SEMA3A: variants seen among roughly 807,000 people sequenced by gnomAD.
SEMA3A encodes semaphorin 3A, also known as semaphorin-3A.
SEMA3A carries 29 observed loss-of-function variants against 97.9 expected under a neutral mutation model. The observed-to-expected ratio is 0.30, with a 90% CI of 0.22 to 0.40. The LOEUF is 0.40. Among genes scored for constraint, SEMA3A ranks in the 10% least tolerant of loss-of-function variants. The pLI is 1.00. For synonymous variants in SEMA3A, 321 were observed against 323.7 expected (o/e 0.99, Z 0.09); for missense variants, 763 against 951.3 (o/e 0.80, Z 2.60).
At chr7:84,115,889 G>A (rs1185173750) in intron 3 of SEMA3A, among the ~76,000 whole-genome samples, 1 of 152,158 alleles carries the variant, frequency 6.6e-6, no homozygotes, top group African/African-American at 2.4e-5. Flanking sequence ...CAAGTCATTG[G>A]TTTACATGAA....
Position 84,106,181 on chromosome 7 carries a change from G to A in SEMA3A, c.453+4289C>T, listed in dbSNP as rs565072608. 1.1e-3 allele frequency among the ~76,000 whole-genome samples: 161 copies of A among 152,264 alleles called. 1 individual carries two copies. The highest frequency in any genetic ancestry group is 4.8e-3 in the South Asian group (23 of 4,826). On this transcript the variant is annotated intron_variant, in intron 4 of 16. Coordinates refer to ENST00000265362, the MANE Select transcript of SEMA3A (RefSeq NM_006080.3). ...CAGTCAGGTGACACATAACATTTTG[G>A]TTAATGATGAACGGCATGTAGGATG...
intron 1 of SEMA3A, among the ~76,000 whole-genome samples, chr7:84,447,648 A>C (rs1172306378): frequency 1.3e-5 from 2 of 152,134 alleles, no homozygotes; most frequent in African/African-American, 4.8e-5. Context: ...GTCTCCTAAG[A>C]GCTGTTCTGT....
intron 2 of SEMA3A, among the ~76,000 whole-genome samples, chr7:84,361,157 G>GT (rs1163616796): frequency 1.3e-5 from 2 of 152,000 alleles, no homozygotes; most frequent in African/African-American, 4.8e-5. Context: ...AAATAAGCTA[G>GT]TTTTCACAAC....
At chr7:84,095,349 T>TATATGTATATAATGCA (rs1794734783) in intron 4 of SEMA3A, among the ~76,000 whole-genome samples, 2 of 31,842 alleles carry the variant, frequency 6.3e-5, no homozygotes, top group African/African-American at 8.5e-5. Flanking sequence ...ATTTTATATT[T>TATATGTATATAATGCA]TTTATATACA....
intron 3 of SEMA3A, among the ~76,000 whole-genome samples, chr7:84,300,346 G>T (rs1223035335): frequency 1.3e-5 from 2 of 151,948 alleles, no homozygotes; most frequent in African/African-American, 4.8e-5. Flanking sequence ...TTTTCAGGTG[G>T]AAAGCATGTA....
chr7:84,038,685 G>A (rs190370114), intron 6 of SEMA3A, among the ~76,000 whole-genome samples: 1 of 152,106 alleles, frequency 6.6e-6, no homozygotes, highest in East Asian at 1.9e-4. Context: ...TGTAGCAGGA[G>A]AGTCATAAGT....
intron 3 of SEMA3A, among the ~76,000 whole-genome samples, chr7:84,233,028 G>A (rs985592099): frequency 5.6e-4 from 85 of 152,024 alleles, no homozygotes; most frequent in African/African-American, 2.0e-3. Flanking sequence ...AAGTCTTTAA[G>A]GTGGAATTGG....
intron 13 of SEMA3A, among the ~76,000 whole-genome samples, chr7:83,982,307 T>C (rs1166687474): frequency 1.3e-5 from 2 of 152,184 alleles, no homozygotes; most frequent in African/African-American, 4.8e-5. Context: ...CATTCTACAA[T>C]GCATTTATTC....
At chr7:83,970,581 A>G (rs1158788659) in intron 15 of SEMA3A, among the ~76,000 whole-genome samples, 4 of 152,182 alleles carry the variant, frequency 2.6e-5, no homozygotes, top group African/African-American at 9.7e-5. Flanking sequence ...AACCATATTC[A>G]TTCAATTTTG....
At chr7:84,456,302 T>C (rs1805683053) in intron 1 of SEMA3A, among the ~76,000 whole-genome samples, 1 of 151,838 alleles carries the variant, frequency 6.6e-6, no homozygotes, top group African/African-American at 2.4e-5. Flanking sequence ...GTGGATAAAG[T>C]CTTAATATGG....
At chr7:84,051,694 C>T (rs2115622727) in intron 5 of SEMA3A, among the ~76,000 whole-genome samples, 1 of 152,186 alleles carries the variant, frequency 6.6e-6, no homozygotes, top group African/African-American at 2.4e-5. Flanking sequence ...TAATTGAATA[C>T]CCTTTATTTC....
At chr7:84,060,596 T>C in intron 4 of SEMA3A, 38 bp from the exon 5 acceptor site, 1 of 1,387,418 alleles carries the variant, frequency 7.2e-7, no homozygotes, top group Middle Eastern at 1.8e-4. Flanking sequence ...GGGTTTCCTT[T>C]ATATATAAAA....
chr7:84,354,525 A>G (rs1454947881), intron 2 of SEMA3A, among the ~76,000 whole-genome samples: 8 of 151,626 alleles, frequency 5.3e-5, no homozygotes, highest in African/African-American at 1.7e-4. Flanking sequence ...AGAATTTTCA[A>G]AAGAAAAAAA....
rs145764472 is a variant in SEMA3A, at chr7:83,987,378, A to G, written c.1453-1901T>C. On this transcript the variant is annotated intron_variant, in intron 12 of 16. Transcript: ENST00000265362. ...TTTGTACCAAGAAAAGTACTTATTCATTCCATTCCTCATTGGATGCTCTCA... is the reference window on the plus strand; with the variant it reads ...TTTGTACCAAGAAAAGTACTTATTCGTTCCATTCCTCATTGGATGCTCTCA... 4.3e-3 allele frequency among the ~76,000 whole-genome samples: 649 copies of G among 152,324 alleles called. 3 individuals carry two copies. Among genetic ancestry groups the G allele is most frequent in the African/African-American group, 0.015 (625 of 41,588 alleles).
At chr7:84,199,907 T>C (rs1798314152), upstream of SEMA3A, among the ~76,000 whole-genome samples, 1 of 152,126 alleles carries the variant, frequency 6.6e-6, no homozygotes. Context: ...AAGCAATGTT[T>C]AAGAAATTAA....
At chr7:84,445,025 T>C (rs542499177) in intron 1 of SEMA3A, among the ~76,000 whole-genome samples, 2 of 152,302 alleles carry the variant, frequency 1.3e-5, no homozygotes, top group Admixed American at 6.5e-5. Flanking sequence ...AAAACTGATA[T>C]CTTCTTCTGA....
chr7:84,479,742 A>G (rs1806393892), intron 1 of SEMA3A, among the ~76,000 whole-genome samples: 1 of 152,352 alleles, frequency 6.6e-6, no homozygotes, highest in South Asian at 2.1e-4. Flanking sequence ...ATATACGTCA[A>G]TGACACGATG....
At chr7:84,438,670 C>T (rs568894783) in intron 1 of SEMA3A, among the ~76,000 whole-genome samples, 1 of 151,922 alleles carries the variant, frequency 6.6e-6, no homozygotes, top group Admixed American at 6.6e-5. Context: ...TGAGTAAGGA[C>T]AAGGACTTGA....
chr7:84,086,167 T>C (rs896473184), intron 4 of SEMA3A, among the ~76,000 whole-genome samples: 1 of 151,950 alleles, frequency 6.6e-6, no homozygotes. Context: ...GCTACTACAA[T>C]CACTACTACT....
Sources: allele counts gnomAD v4.1 joint callset (sites outside exome capture counted in the v4.1 genomes callset), GRCh38; gene constraint gnomAD v4.1.1; transcripts MANE v1.5; gene names NCBI Gene and HGNC (gene_info 2026-07-23, HGNC 2026-07-21).